The following CSMD1 variants were observed in gnomAD, a reference collection of about 807,000 sequenced individuals.
CSMD1 encodes the protein CUB and sushi domain-containing protein 1.
CSMD1 carries 213 observed loss-of-function variants against 417.5 expected under a neutral mutation model. The ratio of observed to expected loss-of-function variants is 0.51; its 90% CI spans 0.46 to 0.57. CSMD1 has a LOEUF of 0.57. Ranked by LOEUF, CSMD1 falls within the 20% of genes least tolerant of loss-of-function variation. The probability of loss-of-function intolerance (pLI) is 0.00; values close to 1 mark genes in which losing one functional copy is unlikely to be tolerated. For missense variants in CSMD1, 6,923 were observed against 4,529.7 expected (o/e 1.53, Z -15.17); for synonymous variants, 2,862 against 1,736.8 (o/e 1.65, Z -16.11).
chr8:4,526,757 G>C (rs1210223406), intron 2 of CSMD1, among the ~76,000 whole-genome samples: 3 of 152,166 alleles, frequency 2.0e-5, no homozygotes, highest in African/African-American at 7.2e-5. Flanking sequence ...GGTTACGTTA[G>C]CAGGGACTAT....
At chr8:3,639,204 C>A (rs77861416) in intron 7 of CSMD1, among the ~76,000 whole-genome samples, 1,684 of 152,326 alleles carry the variant, frequency 0.011, 99 homozygotes, top group Admixed American at 0.085. Context: ...AGTAAAGACA[C>A]AGGCCTTGAG....
At chr8:3,646,460 G>A (rs1797576696) in intron 7 of CSMD1, among the ~76,000 whole-genome samples, 1 of 151,948 alleles carries the variant, frequency 6.6e-6, no homozygotes, top group Non-Finnish European at 1.5e-5. Context: ...AGGGAAAATC[G>A]CACCTATTAT....
rs1403884149 is a variant in CSMD1 at position 3,289,323 on chromosome 8, A to G, written c.3951-4977T>C. On this transcript the variant is annotated intron_variant, in intron 25 of 69. Coordinates refer to ENST00000635120, the MANE Select transcript of CSMD1 (RefSeq NM_033225.6). ...TGTCTTTATAGCAGCATGATTTATA[A>G]TCCTTTGGGTATATACCCAGTAATG... 4.1e-4 allele frequency among the ~76,000 whole-genome samples: 60 copies of G among 147,336 alleles called. 13 individuals are homozygous for G. Among genetic ancestry groups the G allele is most frequent in the African/African-American group, 1.5e-3 (57 of 37,106 alleles).
intron 6 of CSMD1, among the ~76,000 whole-genome samples, chr8:3,723,330 A>G (rs1210610982): frequency 6.6e-6 from 1 of 152,086 alleles, no homozygotes; most frequent in African/African-American, 2.4e-5. Context: ...GGCTCATTTG[A>G]TTAGGTCAGG....
Position 4,735,107 on chromosome 8 carries a change from G to A in CSMD1, c.86-97549C>T, listed in dbSNP as rs546545649. 3.9e-5 allele frequency among the ~76,000 whole-genome samples: 6 copies of A among 152,324 alleles called. No individual in the cohort carries two copies. The South Asian group carries it at 1.2e-3, about 32-fold the overall frequency. On this transcript the variant is annotated intron_variant, in intron 1 of 69. Coordinates refer to ENST00000635120, the MANE Select transcript of CSMD1 (RefSeq NM_033225.6). ...TTTGGGAAAGTTTCCGCAGGGAAGA[G>A]CAAAAGGTATTTTGGAGCTGGTATT...
intron 7 of CSMD1, chr8:3,702,024 A>G (rs903378592): frequency 6.6e-6 from 1 of 152,178 alleles, no homozygotes; most frequent in Non-Finnish European, 1.5e-5. Flanking sequence ...CCCAATACAA[A>G]CAAAGAGCAA....
At position 2,999,978 on chromosome 8, in the gene CSMD1, C is replaced by G. The variant is rs1414121678; in HGVS notation, c.8183G>C (p.Gly2728Ala). The G allele has an allele frequency of 3.1e-6, 5 of 1,609,564 alleles. No homozygotes were observed. Among genetic ancestry groups the G allele is most frequent in the Non-Finnish European group, 4.2e-6 (5 of 1,178,834 alleles). The change falls in exon 53 of 70, where the codon GGA becomes GCA. Residue 2728 changes from glycine to alanine, a missense_variant. Transcript: ENST00000635120. ...RICLQDHKWS[G>A]QTPVCVPITC... ...CTTACGGACACAGACAGGCGTTTGT[C>G]CAGACCACTTGTGGTCTTGCAGGCA...
chr8:3,038,002 A>G (rs1810810256), intron 50 of CSMD1, among the ~76,000 whole-genome samples: 2 of 152,194 alleles, frequency 1.3e-5, no homozygotes, highest in African/African-American at 4.8e-5. Context: ...CCTTCAGAAA[A>G]TCGGGCATCT....
intron 5 of CSMD1, among the ~76,000 whole-genome samples, chr8:3,873,565 G>A (rs1805624244): frequency 6.6e-6 from 1 of 152,114 alleles, no homozygotes; most frequent in African/African-American, 2.4e-5. Context: ...GGTGGACGGT[G>A]GGAGGAGGGA....
rs2116867736 is a variant in CSMD1, at chr8:3,399,458, C to T, written c.2338G>A (p.Asp780Asn). The change falls in exon 16 of 70, where the codon GAT (aspartate) becomes AAT (asparagine). Residue 780 changes from aspartate (D) to asparagine (N), a missense_variant. Asp to Asn is a conservative substitution (Grantham distance 23). Transcript: ENST00000635120. ...LPPGWPGYYK[D>N]SLHCEWIIEA... ...ATTATCCATTCACAATGTAAAGAAT[C>T]CTTATAATATCCTGGCCATCCAGGA... 1 of 1,610,328 alleles carries T rather than the reference C, an allele frequency of 6.2e-7. No individual in the cohort carries two copies. Among genetic ancestry groups the T allele is most frequent in the Non-Finnish European group, 8.5e-7 (1 of 1,178,236 alleles).
At chr8:3,591,601 C>T (rs539437615) in intron 8 of CSMD1, among the ~76,000 whole-genome samples, 1 of 152,190 alleles carries the variant, frequency 6.6e-6, no homozygotes, top group Admixed American at 6.5e-5. Context: ...TACTGACTGG[C>T]TAGGTAAGGA....
At chr8:4,885,257 C>G (rs1237972544) in intron 1 of CSMD1, among the ~76,000 whole-genome samples, 3 of 151,902 alleles carry the variant, frequency 2.0e-5, no homozygotes, top group Non-Finnish European at 4.4e-5. Context: ...TTTCCATGTC[C>G]AAGAGTGTAC....
rs766808089 is a variant in CSMD1, at chr8:3,586,212, C to G, written c.1146G>C (p.Gln382His). The change falls in exon 9 of 70, where the codon CAG (glutamine) becomes CAC (histidine). Residue 382 changes from glutamine to histidine, a missense_variant. Physicochemically the swap from Gln to His is conservative, Grantham distance 24 (BLOSUM62 0). Transcript: ENST00000635120. The stretch of plus-strand genomic sequence containing the variant: ...TCTGACAGGTGATGCTTTTAGATCC[C>G]TGGAGCACGTAATTGTCCTCACATG... ...QFSCEDNYVL[Q>H]GSKSITCQRV... The G allele has an allele frequency of 1.9e-6, 3 of 1,612,320 alleles. No homozygotes were observed. The highest frequency in any genetic ancestry group is 2.2e-5 in the East Asian group (1 of 44,806).
At chr8:3,666,442 A>T (rs1226151830) in intron 7 of CSMD1, among the ~76,000 whole-genome samples, 1 of 152,210 alleles carries the variant, frequency 6.6e-6, no homozygotes, top group African/African-American at 2.4e-5. Context: ...AATAATTAAG[A>T]CAGAAATACT....
chr8:4,906,950 C>G (rs1805321822), intron 1 of CSMD1, among the ~76,000 whole-genome samples: 1 of 152,138 alleles, frequency 6.6e-6, no homozygotes, highest in Non-Finnish European at 1.5e-5. Context: ...TTAGTCTTTC[C>G]TAAATGACTT....
intron 1 of CSMD1, among the ~76,000 whole-genome samples, chr8:4,794,698 G>T (rs74938045): frequency 6.8e-4 from 103 of 152,262 alleles, no homozygotes; most frequent in African/African-American, 2.3e-3. Context: ...TCTCTCTTAA[G>T]GCCATGTGGC....
At chr8:3,851,368 C>G (rs530513421) in intron 5 of CSMD1, among the ~76,000 whole-genome samples, 125 of 152,308 alleles carry the variant, frequency 8.2e-4, no homozygotes, top group African/African-American at 2.9e-3. Flanking sequence ...ATGGCCATCC[C>G]TGAACCACTT....
chr8:3,731,950 A>C (rs1005763989), intron 6 of CSMD1, among the ~76,000 whole-genome samples: 12 of 152,204 alleles, frequency 7.9e-5, no homozygotes, highest in African/African-American at 2.9e-4. Context: ...AATGGACTCC[A>C]AACCCTGGGC....
At chr8:4,038,028 T>C (rs762896101) in intron 3 of CSMD1, among the ~76,000 whole-genome samples, 1 of 152,040 alleles carries the variant, frequency 6.6e-6, no homozygotes, top group Non-Finnish European at 1.5e-5. Context: ...TGGTAAAAAG[T>C]GTAAATAAGT....
Sources: allele counts gnomAD v4.1 joint callset (sites outside exome capture counted in the v4.1 genomes callset), GRCh38; gene constraint gnomAD v4.1.1; transcripts MANE v1.5; gene names NCBI Gene and HGNC (gene_info 2026-07-23, HGNC 2026-07-21).